The following DHX40 variants were observed in gnomAD, a reference collection of about 807,000 sequenced individuals.
The protein encoded by DHX40 is DEAH-box helicase 40.
In DHX40, 28 loss-of-function variants were observed where a neutral mutation model predicts 89.6. The observed-to-expected ratio is 0.31, with a 90% CI of 0.23 to 0.43. DHX40 has a LOEUF of 0.43. Among genes scored for constraint, DHX40 ranks in the 20% least tolerant of loss-of-function variants. DHX40 has a pLI of 1.00. For missense variants in DHX40, 457 were observed against 844.0 expected (o/e 0.54, Z 5.68); for synonymous variants, 226 against 283.6 (o/e 0.80, Z 2.04).
At chr17:59,569,051 G>T (rs1239867812) in intron 2 of DHX40, among the ~76,000 whole-genome samples, 1 of 152,006 alleles carries the variant, frequency 6.6e-6, no homozygotes, top group Admixed American at 6.6e-5. Context: ...GTTTTAGGCT[G>T]GGTGCAGTGG....
intron 12 of DHX40, among the ~76,000 whole-genome samples, chr17:59,592,682 G>C (rs1249180271): frequency 7.7e-6 from 1 of 129,964 alleles, no homozygotes; most frequent in African/African-American, 3.1e-5. Flanking sequence ...GGTTCAAGCA[G>C]TTGTCCTGCC....
intron 2 of DHX40, 100 bp downstream of exon 2, chr17:59,566,894 T>G: frequency 9.3e-7 from 1 of 1,070,334 alleles, no homozygotes; most frequent in Non-Finnish European, 1.3e-6. Flanking sequence ...AGTATTTGCT[T>G]TATAGTCCCG....
chr17:59,606,130 T>C (rs1441399231), intron 17 of DHX40, among the ~76,000 whole-genome samples: 1 of 152,080 alleles, frequency 6.6e-6, no homozygotes, highest in East Asian at 1.9e-4. Context: ...CACTGCAGCC[T>C]CTGCCTCCCG....
At position 59,570,400 on chromosome 17, in the gene DHX40, C is replaced by T. The variant is rs750471701; in HGVS notation, c.281-118C>T. 2.2e-4 allele frequency: 204 copies of T among 926,946 alleles called. 1 individual carries two copies. Among genetic ancestry groups the T allele is most frequent in the Middle Eastern group, 1.8e-3 (6 of 3,382 alleles). 57.4% of individuals were successfully genotyped at this position (926,946 alleles called of 1,614,324 possible). ...AACATAGCAGTGTGTTTTTAATTTG[C>T]GAGATATTCTTTTGGAAACATTCAA... is the stretch of plus-strand genomic sequence containing the variant. On this transcript the variant is annotated intron_variant, in intron 2 of 17. Transcript: ENST00000251241.
At chr17:59,590,771 T>C (rs1489211747) in intron 12 of DHX40, among the ~76,000 whole-genome samples, 2 of 151,856 alleles carry the variant, frequency 1.3e-5, no homozygotes, top group Non-Finnish European at 2.9e-5. Context: ...CACCCAGCAG[T>C]TGCAGTCTGA....
At chr17:59,592,118 G>A (rs2049092457) in intron 12 of DHX40, among the ~76,000 whole-genome samples, 1 of 151,504 alleles carries the variant, frequency 6.6e-6, no homozygotes, top group Non-Finnish European at 1.5e-5. Flanking sequence ...CAATCCTCCT[G>A]CTTTGGTCTC....
chr17:59,569,786 C>T (rs1404640301), intron 2 of DHX40, among the ~76,000 whole-genome samples: 1 of 143,288 alleles, frequency 7.0e-6, no homozygotes, highest in Non-Finnish European at 1.5e-5. Flanking sequence ...TGTCTCAAGC[C>T]TATAATCCCA....
chr17:59,570,220 A>G (rs2048783783), intron 2 of DHX40, among the ~76,000 whole-genome samples: 1 of 114,060 alleles, frequency 8.8e-6, no homozygotes, highest in East Asian at 2.0e-4. Context: ...ATTATATATT[A>G]AATATATATT....
intron 2 of DHX40, among the ~76,000 whole-genome samples, chr17:59,567,544 GCCT>G (rs1377304174): frequency 6.6e-6 from 1 of 152,140 alleles, no homozygotes; most frequent in South Asian, 2.1e-4. Context: ...TATACAATCA[GCCT>G]CCTCTGCTCA....
intron 12 of DHX40, among the ~76,000 whole-genome samples, chr17:59,596,862 A>G (rs547562647): frequency 7.0e-4 from 106 of 152,096 alleles, no homozygotes; most frequent in Non-Finnish European, 1.3e-3. Context: ...TTCACATCGT[A>G]TTCTATAGTA....
intron 12 of DHX40, among the ~76,000 whole-genome samples, chr17:59,589,119 C>G (rs1459791166): frequency 1.3e-5 from 2 of 151,626 alleles, no homozygotes; most frequent in Non-Finnish European, 2.9e-5. Context: ...TTTGTTCTTC[C>G]TCTTCAAAAT....
At chr17:59,591,832 C>T (rs537166497) in intron 12 of DHX40, among the ~76,000 whole-genome samples, 1 of 151,880 alleles carries the variant, frequency 6.6e-6, no homozygotes, top group African/African-American at 2.4e-5. Context: ...CAAGGGCAAT[C>T]TCTCATTTAA....
At chr17:59,601,142 TAA>T (rs754817890) in intron 14 of DHX40, among the ~76,000 whole-genome samples, 38 of 122,534 alleles carry the variant, frequency 3.1e-4, no homozygotes, top group Non-Finnish European at 3.3e-4. Context: ...TTGTCTCTAC[TAA>T]AAAAAAAAAA....
chr17:59,606,522 G>A lies in DHX40; in HGVS notation c.2201-511G>A, dbSNP rs553745451. Among the ~76,000 whole-genome samples the A allele has an allele frequency of 5.9e-5, 9 of 152,166 alleles. No individual in the cohort carries two copies. In the East Asian group the frequency reaches 1.5e-3, roughly 26 times the overall value. On this transcript the variant is annotated intron_variant, in intron 17 of 17. Coordinates refer to ENST00000251241, the MANE Select transcript of DHX40 (RefSeq NM_024612.5). The stretch of plus-strand genomic sequence containing the variant: ...AGCACTTTGGGAGACCAAGGCGGGC[G>A]GATCACGAGGTCAGGAGATCGAGAC...
At position 59,607,269 on chromosome 17, in the gene DHX40, G is replaced by T; in HGVS notation, c.*97G>T. 6.2e-7 allele frequency: 1 copy of T among 1,611,322 alleles called. No homozygotes were observed. The highest frequency in any genetic ancestry group is 8.5e-7 in the Non-Finnish European group (1 of 1,178,638). On this transcript the variant is annotated 3_prime_UTR_variant, in exon 18 of 18. Transcript: ENST00000251241. ...CAGACAGCACTACCAAGAGGAGGTGGTCAGCACTTGTTATTGGCCTATGAA... is the reference window on the plus strand; with the variant it reads ...CAGACAGCACTACCAAGAGGAGGTGTTCAGCACTTGTTATTGGCCTATGAA...
intron 2 of DHX40, among the ~76,000 whole-genome samples, chr17:59,567,723 G>C (rs1287639826): frequency 6.6e-6 from 1 of 151,502 alleles, no homozygotes; most frequent in Admixed American, 6.6e-5. Context: ...TCAGGAGATC[G>C]GGACCATCAT....
intron 7 of DHX40, among the ~76,000 whole-genome samples, chr17:59,576,642 A>T (rs1335540370): frequency 6.6e-6 from 1 of 151,834 alleles, no homozygotes; most frequent in Non-Finnish European, 1.5e-5. Flanking sequence ...ATCTTCAGGG[A>T]AATTCTTAGG....
At chr17:59,586,665 GAAAAA>G (rs748237437) in intron 11 of DHX40, among the ~76,000 whole-genome samples, 9 of 129,748 alleles carry the variant, frequency 6.9e-5, no homozygotes, top group African/African-American at 2.6e-4. Flanking sequence ...AACTCCATCT[GAAAAA>G]AAAAAAAAGG....
intron 12 of DHX40, among the ~76,000 whole-genome samples, 178 bp downstream of exon 12, chr17:59,588,231 A>AC (rs1048216213): frequency 3.4e-5 from 5 of 149,020 alleles, no homozygotes; most frequent in East Asian, 2.0e-4. Flanking sequence ...AAAAAAAAAA[A>AC]AAAAAAAAAA....
Sources: allele counts gnomAD v4.1 joint callset (sites outside exome capture counted in the v4.1 genomes callset), GRCh38; gene constraint gnomAD v4.1.1; transcripts MANE v1.5; gene names NCBI Gene and HGNC (gene_info 2026-07-23, HGNC 2026-07-21).